The following EYS variants were observed in gnomAD, a reference collection of about 807,000 sequenced individuals.
EYS encodes the protein protein eyes shut homolog.
In EYS, 250 loss-of-function variants were observed where a neutral mutation model predicts 282.1. The ratio of observed to expected loss-of-function variants is 0.89; its 90% CI spans 0.80 to 0.98. The LOEUF is 0.98. Ranked by LOEUF, EYS falls within the 50% of genes least tolerant of loss-of-function variation. The pLI is 0.00. For missense variants in EYS, 4,016 were observed against 3,709.0 expected, an observed-to-expected ratio of 1.08 and a Z score of -2.15; for synonymous variants, 1,355 against 1,282.9, an observed-to-expected ratio of 1.06 and a Z score of -1.20.
chr6:63,778,177 C>G lies in EYS; in HGVS notation c.7727G>C (p.Cys2576Ser). The change falls in exon 40 of 43, where the codon TGT becomes TCT. Residue 2576 changes from cysteine to serine, a missense_variant. Coordinates refer to ENST00000503581, the MANE Select transcript of EYS (RefSeq NM_001142800.2). ...AGTGCGAACTTGAAGAGTGAAAATA[C>G]AGCCTTGAAGAAATGCAAAAACACT... is the stretch of plus-strand genomic sequence containing the variant. ...GADFKNGFQG[C>S]IFTLQVRTEK... 1 of 1,551,746 alleles carries G rather than the reference C, an allele frequency of 6.4e-7. No homozygotes were observed. Among genetic ancestry groups the G allele is most frequent in the Non-Finnish European group, 8.7e-7 (1 of 1,146,886 alleles).
intron 2 of EYS, among the ~76,000 whole-genome samples, chr6:65,505,440 T>C (rs1056488988): frequency 5.3e-5 from 8 of 151,914 alleles, no homozygotes; most frequent in Non-Finnish European, 4.4e-5. Context: ...ATTTCTCTTC[T>C]TTTGCTTAGT....
At chr6:65,268,610 A>G (rs1271935154) in intron 12 of EYS, among the ~76,000 whole-genome samples, 1 of 152,100 alleles carries the variant, frequency 6.6e-6, no homozygotes, top group Non-Finnish European at 1.5e-5. Flanking sequence ...CCAAGTTAGA[A>G]CAGTTACTGA....
At chr6:63,993,719 A>G (rs1435603848) in intron 34 of EYS, among the ~76,000 whole-genome samples, 1 of 151,938 alleles carries the variant, frequency 6.6e-6, no homozygotes, top group Non-Finnish European at 1.5e-5. Flanking sequence ...AAATGTCCAT[A>G]CTATCCAAAG....
At position 64,388,692 on chromosome 6, in the gene EYS, G is replaced by T. The variant is rs1411691938; in HGVS notation, c.6076C>A (p.Gln2026Lys). 6.5e-7 allele frequency: 1 copy of T among 1,527,742 alleles called. No homozygotes were observed. Among genetic ancestry groups the T allele is most frequent in the East Asian group, 2.5e-5 (1 of 39,760 alleles). The allele number at this position is 1,527,742 out of a possible 1,614,324, so 94.6% of individuals were successfully genotyped here. A position where few individuals can be genotyped will look rare whatever the true frequency, so the allele number is the denominator to read the frequency against. Reference sequence around the variant, plus strand: ...TTTTAAAACATCTATAGAAATACCTGGATTTTCCCATGAAGGTCTGGAAAT... The same window carrying T: ...TTTTAAAACATCTATAGAAATACCTTGATTTTCCCATGAAGGTCTGGAAAT... ...GGFPDLHGKI[Q>K]MPVPVKNFTG... Residue 2026 changes from glutamine to lysine, a missense_variant and splice_region_variant, in exon 29 of 43, where the codon CAG becomes AAG. Gln to Lys is a moderately conservative substitution (Grantham distance 53). Transcript: ENST00000503581.
At chr6:65,061,381 T>C (rs1773569244) in intron 12 of EYS, among the ~76,000 whole-genome samples, 2 of 151,966 alleles carry the variant, frequency 1.3e-5, no homozygotes, top group Non-Finnish European at 2.9e-5. Context: ...TATTTTAAAA[T>C]AGACTTTAAT....
chr6:65,488,130 T>C (rs1765882147), intron 5 of EYS, among the ~76,000 whole-genome samples: 1 of 152,176 alleles, frequency 6.6e-6, no homozygotes, highest in African/African-American at 2.4e-5. Flanking sequence ...AACCAGCTCC[T>C]GGATTCATTG....
intron 26 of EYS, among the ~76,000 whole-genome samples, chr6:64,458,058 T>C (rs2150482724): frequency 6.6e-6 from 1 of 152,122 alleles, no homozygotes; most frequent in South Asian, 2.1e-4. Context: ...AAAAAAGAAA[T>C]CTCTACACTT....
chr6:64,059,695 A>T (rs1771098642), intron 33 of EYS, among the ~76,000 whole-genome samples: 7 of 152,344 alleles, frequency 4.6e-5, no homozygotes, highest in Admixed American at 4.6e-4. Flanking sequence ...AGATTTTCTT[A>T]AGCTTATGTA....
intron 1 of EYS, among the ~76,000 whole-genome samples, chr6:65,689,392 G>A (rs966200068): frequency 1.3e-5 from 2 of 149,576 alleles, no homozygotes; most frequent in Non-Finnish European, 3.0e-5. Flanking sequence ...GGGTAGGGGG[G>A]AGGGATAGCA....
intron 12 of EYS, among the ~76,000 whole-genome samples, chr6:65,292,019 G>A (rs961528654): frequency 2.0e-5 from 3 of 151,510 alleles, no homozygotes; most frequent in Non-Finnish European, 3.0e-5. Flanking sequence ...AATATACTGG[G>A]ATAAGTGATA....
At chr6:65,355,729 G>T (rs1764454056) in intron 8 of EYS, among the ~76,000 whole-genome samples, 2 of 151,992 alleles carry the variant, frequency 1.3e-5, no homozygotes, top group African/African-American at 4.8e-5. Context: ...ATGGAAAAAT[G>T]CTCAACATCA....
In EYS at chr6:64,618,743, T is replaced by C. The variant is rs570351148; in HGVS notation, c.3569-1210A>G. ...AGAGACTAAATTTATCAAATCTTCA[T>C]CCAAGACTCTTTCCACTTTGCAATG... On this transcript the variant is annotated intron_variant, in intron 23 of 42. Transcript: ENST00000503581. Among the ~76,000 whole-genome samples the C allele has an allele frequency of 3.3e-5, 5 of 152,284 alleles. No individual in the cohort carries two copies. In the East Asian group the frequency reaches 7.7e-4, roughly 24 times the overall value.
intron 2 of EYS, among the ~76,000 whole-genome samples, chr6:65,620,094 T>C (rs1478634911): frequency 6.6e-6 from 1 of 152,204 alleles, no homozygotes; most frequent in African/African-American, 2.4e-5. Flanking sequence ...GGATTCCCTC[T>C]TTTTCTATTG....
chr6:64,929,494 G>T (rs746331061), intron 15 of EYS, among the ~76,000 whole-genome samples: 1 of 152,068 alleles, frequency 6.6e-6, no homozygotes, highest in Non-Finnish European at 1.5e-5. Context: ...AAGATACTGT[G>T]CTTTCCCCTT....
chr6:65,537,118 G>T (rs898326192), intron 2 of EYS, among the ~76,000 whole-genome samples: 1 of 152,118 alleles, frequency 6.6e-6, no homozygotes. Flanking sequence ...AACACTGCAT[G>T]TTCTCACTCA....
chr6:65,231,221 T>C (rs1195454364), intron 12 of EYS, among the ~76,000 whole-genome samples: 1 of 147,566 alleles, frequency 6.8e-6, no homozygotes, highest in African/African-American at 2.5e-5. Flanking sequence ...CAGACATATA[T>C]ATCTGAATTT....
chr6:64,518,065 C>T (rs1003732533), intron 26 of EYS, among the ~76,000 whole-genome samples: 5 of 151,768 alleles, frequency 3.3e-5, no homozygotes, highest in African/African-American at 4.8e-5. Flanking sequence ...TCATTTCAAA[C>T]GTTTACATGC....
intron 18 of EYS, among the ~76,000 whole-genome samples, chr6:64,897,627 C>T (rs1767516661): frequency 6.6e-6 from 1 of 152,240 alleles, no homozygotes; most frequent in Admixed American, 6.5e-5. Flanking sequence ...CAAAAGTAGG[C>T]TTTAGAAGGT....
At chr6:65,328,983 C>T (rs35176562) in intron 11 of EYS, among the ~76,000 whole-genome samples, 27,448 of 150,784 alleles carry the variant, frequency 0.18, 3,012 homozygotes, top group Middle Eastern at 0.26. Flanking sequence ...CATGAAACTC[C>T]AAGTCTTAGA....
Sources: allele counts gnomAD v4.1 joint callset (sites outside exome capture counted in the v4.1 genomes callset), GRCh38; gene constraint gnomAD v4.1.1; transcripts MANE v1.5; gene names NCBI Gene and HGNC (gene_info 2026-07-23, HGNC 2026-07-21).